Variants in KIAA1217 observed in about 807,000 individuals in gnomAD.
KIAA1217 encodes KIAA1217.
Under a neutral mutation model 163.9 loss-of-function variants are expected in KIAA1217, and 88 were observed. The observed-to-expected ratio is 0.54, with a 90% CI of 0.45 to 0.64. KIAA1217 has a LOEUF of 0.64. KIAA1217 is among the 30% of genes least tolerant of loss of function. The probability of loss-of-function intolerance (pLI) is 0.00; values close to 1 mark genes in which losing one functional copy is unlikely to be tolerated. For missense variants in KIAA1217, 2,372 were observed against 2,475.0 expected, an observed-to-expected ratio of 0.96 and a Z score of 0.88; for synonymous variants, 903 against 923.1, an observed-to-expected ratio of 0.98 and a Z score of 0.39.
intron 2 of KIAA1217, among the ~76,000 whole-genome samples, chr10:24,122,452 G>A (rs554592404): frequency 2.6e-5 from 4 of 152,182 alleles, no homozygotes; most frequent in East Asian, 3.9e-4. Flanking sequence ...GTGCTGTGAC[G>A]ATATGTTCAA....
chr10:24,352,061 T>C (rs1183462102), intron 2 of KIAA1217, among the ~76,000 whole-genome samples: 1 of 152,232 alleles, frequency 6.6e-6, no homozygotes, highest in African/African-American at 2.4e-5. Context: ...TTTTTCCTCA[T>C]CTTTCATCAG....
At chr10:24,288,030 C>T (rs2078724101) in intron 2 of KIAA1217, among the ~76,000 whole-genome samples, 1 of 152,162 alleles carries the variant, frequency 6.6e-6, no homozygotes, top group South Asian at 2.1e-4. Context: ...GAATATAATC[C>T]TGCAGGTTGA....
rs377520061 is a variant in KIAA1217 at position 24,473,252 on chromosome 10, A to G, written c.871A>G (p.Arg291Gly). 4 of 1,517,806 alleles carry G rather than the reference A, an allele frequency of 2.6e-6. No individual in the cohort carries two copies. The African/African-American group carries it at 4.2e-5, about 16-fold the overall frequency. The allele number at this position is 1,517,806 out of a possible 1,614,324, so 94.0% of individuals were successfully genotyped here. ...GATGCAGAGAGAACTTGTTTATGCA[A>G]GAGGAGATGGCCCTGGGGCCCCTCG... ...MRMQRELVYA[R>G]GDGPGAPRPG... Residue 291 changes from arginine to glycine, a missense_variant, in exon 6 of 21, where the codon AGA (arginine) becomes GGA (glycine). Arg to Gly is a moderately radical substitution (Grantham distance 125). Transcript: ENST00000376454.
chr10:23,765,156 A>AT (rs932083123), intron 1 of KIAA1217, among the ~76,000 whole-genome samples: 1 of 124,046 alleles, frequency 8.1e-6, no homozygotes, highest in Non-Finnish European at 1.7e-5. Context: ...TGGTTAGAAA[A>AT]TTTTTTCTTT....
chr10:24,212,732 CT>C (rs2068299217), intron 1 of KIAA1217, among the ~76,000 whole-genome samples: 1 of 152,196 alleles, frequency 6.6e-6, no homozygotes, highest in African/African-American at 2.4e-5. Context: ...TCATTGCATT[CT>C]CTCTTGTGTC....
Position 24,473,729 on chromosome 10 carries a change from C to T in KIAA1217, c.1348C>T (p.Leu450=). 1 of 1,614,088 alleles carries T rather than the reference C, an allele frequency of 6.2e-7. No homozygotes were observed. The highest frequency in any genetic ancestry group is 8.5e-7 in the Non-Finnish European group (1 of 1,180,018). The change falls in exon 6 of 21, where the codon CTG becomes TTG. Residue 450 remains leucine (L), a synonymous_variant. Transcript: ENST00000376454. The part of the protein sequence containing the change: ...MQAEMHMEQS[L]YRQKSRKYPD... ...AGCGGAAATGCATATGGAACAATCA[C>T]TGTACAGACAGAAATCAAGGAAATA...
chr10:24,295,958 C>A (rs545405051), intron 2 of KIAA1217, among the ~76,000 whole-genome samples: 1 of 152,186 alleles, frequency 6.6e-6, no homozygotes, highest in Non-Finnish European at 1.5e-5. Context: ...AAGGCAGGGT[C>A]CATGTTTAAT....
At chr10:24,411,588 A>C (rs1186038460) in intron 3 of KIAA1217, among the ~76,000 whole-genome samples, 1 of 152,190 alleles carries the variant, frequency 6.6e-6, no homozygotes, top group African/African-American at 2.4e-5. Context: ...TTTATCTATT[A>C]TGAGAAAGTG....
chr10:24,535,184 A>C (rs924277857), intron 16 of KIAA1217, among the ~76,000 whole-genome samples: 3 of 152,194 alleles, frequency 2.0e-5, no homozygotes, highest in African/African-American at 7.2e-5. Context: ...GGCAATTGGC[A>C]TTTGTAAGCA....
At chr10:23,793,943 G>A (rs528804321) in intron 1 of KIAA1217, among the ~76,000 whole-genome samples, 17 of 152,254 alleles carry the variant, frequency 1.1e-4, no homozygotes, top group African/African-American at 4.8e-5. Flanking sequence ...TTAATCAAAG[G>A]CATTTTGACC....
At chr10:24,234,558 G>A (rs1482524589) in intron 2 of KIAA1217, among the ~76,000 whole-genome samples, 4 of 148,688 alleles carry the variant, frequency 2.7e-5, no homozygotes, top group Admixed American at 2.1e-4. Flanking sequence ...CAGCTACTCA[G>A]AGCTGAGGCA....
chr10:24,448,249 G>GT (rs1319964345), intron 5 of KIAA1217, among the ~76,000 whole-genome samples: 3 of 151,752 alleles, frequency 2.0e-5, no homozygotes, highest in Admixed American at 1.3e-4. Flanking sequence ...TTTTGCGTGG[G>GT]GGGGGCTGGA....
At chr10:24,434,722 A>G (rs1056808400) in intron 4 of KIAA1217, among the ~76,000 whole-genome samples, 3 of 152,240 alleles carry the variant, frequency 2.0e-5, no homozygotes, top group Admixed American at 6.5e-5. Flanking sequence ...CCTGGAAAAC[A>G]GGACTTAGAT....
At chr10:24,510,527 GGTACCTCAGACCA>G (rs1406421507) in intron 9 of KIAA1217, among the ~76,000 whole-genome samples, 1 of 152,030 alleles carries the variant, frequency 6.6e-6, no homozygotes, top group Non-Finnish European at 1.5e-5. Flanking sequence ...ACAACCAGAC[GGTACCTCAGACCA>G]GTAAAATGAG....
intron 2 of KIAA1217, among the ~76,000 whole-genome samples, chr10:24,112,282 C>T (rs1445492332): frequency 6.6e-6 from 1 of 152,162 alleles, no homozygotes; most frequent in Non-Finnish European, 1.5e-5. Context: ...ATTAAGGCTA[C>T]CTCTAAGTCT....
chr10:24,237,485 C>T (rs1271845734), intron 2 of KIAA1217, among the ~76,000 whole-genome samples: 1 of 152,156 alleles, frequency 6.6e-6, no homozygotes, highest in Non-Finnish European at 1.5e-5. Context: ...TTTTCCAAGC[C>T]TGAATTCAAT....
chr10:24,543,371 A>G lies in KIAA1217; in HGVS notation c.4101A>G (p.Glu1367=), dbSNP rs754498450. Residue 1367 remains glutamate (E), a synonymous_variant, in exon 19 of 21, where the codon GAA becomes GAG. Transcript: ENST00000376454. The part of the protein sequence containing the change: ...HANVNPNEDG[E]SSSSSPTEEN... ...ACGTGAACCCTAATGAGGATGGAGA[A>G]TCAAGTTCAAGTTCTCCCACTGAAG... 2 of 1,614,204 alleles carry G rather than the reference A, an allele frequency of 1.2e-6. No individual in the cohort carries two copies. The highest frequency in any genetic ancestry group is 1.7e-6 in the Non-Finnish European group (2 of 1,180,038).
At chr10:24,220,540 T>C (rs952953121) in intron 2 of KIAA1217, among the ~76,000 whole-genome samples, 1 of 146,916 alleles carries the variant, frequency 6.8e-6, no homozygotes, top group African/African-American at 2.6e-5. Context: ...CTGCAAGCTC[T>C]GCCTCCCGGG....
intron 2 of KIAA1217, among the ~76,000 whole-genome samples, chr10:24,033,382 C>T (rs1032941426): frequency 1.3e-5 from 2 of 152,172 alleles, no homozygotes; most frequent in South Asian, 4.1e-4. Flanking sequence ...AACCATGCCT[C>T]TCTACATATG....
Sources: allele counts gnomAD v4.1 joint callset (sites outside exome capture counted in the v4.1 genomes callset), GRCh38; gene constraint gnomAD v4.1.1; transcripts MANE v1.5; gene names NCBI Gene and HGNC (gene_info 2026-07-23, HGNC 2026-07-21).